ZNF169: variants seen among roughly 807,000 people sequenced by gnomAD.
ZNF169 encodes zinc finger protein 169.
In ZNF169, 11 loss-of-function variants were observed where a neutral mutation model predicts 12.0. That is an observed-to-expected ratio of 0.92 (90% CI 0.58 to 1.52). ZNF169 has a LOEUF of 1.52. Ranked by LOEUF, ZNF169 falls within the 40% of genes most tolerant of loss-of-function variation. The pLI, the probability that ZNF169 is intolerant of heterozygous loss-of-function variation, is 0.00. For synonymous variants in ZNF169, 302 were observed against 286.5 expected (o/e 1.05, Z -0.55); for missense variants, 722 against 744.0 (o/e 0.97, Z 0.34).
At chr9:94,277,658 A>C (rs1232376669) in intron 1 of ZNF169, among the ~76,000 whole-genome samples, 1 of 152,030 alleles carries the variant, frequency 6.6e-6, no homozygotes, top group Non-Finnish European at 1.5e-5. Context: ...AGGGCCGGGC[A>C]CGGTGGCTCA....
chr9:94,297,846 G>A (rs896206202), intron 4 of ZNF169, among the ~76,000 whole-genome samples: 7 of 152,142 alleles, frequency 4.6e-5, no homozygotes, highest in Non-Finnish European at 1.0e-4. Flanking sequence ...TACTTGCCAG[G>A]TACATTTCTG....
At chr9:94,285,748 G>A (rs549901687) in intron 2 of ZNF169, among the ~76,000 whole-genome samples, 12 of 152,214 alleles carry the variant, frequency 7.9e-5, no homozygotes, top group East Asian at 5.8e-4. Flanking sequence ...GGTAGCTCAC[G>A]CCTGTAATCC....
In ZNF169 at chr9:94,301,472, G is replaced by A. The variant is rs1292698451; in HGVS notation, c.*102G>A. The A allele has an allele frequency of 2.8e-6, 4 of 1,444,630 alleles. No individual in the cohort carries two copies. The highest frequency in any genetic ancestry group is 2.9e-5 in the Admixed American group (1 of 34,858). 89.5% of individuals were successfully genotyped at this position (1,444,630 alleles called of 1,614,324 possible). On this transcript the variant is annotated 3_prime_UTR_variant, in exon 5 of 5. Coordinates refer to ENST00000395395, the MANE Select transcript of ZNF169 (RefSeq NM_194320.4). Reference sequence around the variant, plus strand: ...AAAAAAAATGTTGCTTTCTTTCATCGATCATGAGATAGTTGATTTTTGGTT... The same window carrying A: ...AAAAAAAATGTTGCTTTCTTTCATCAATCATGAGATAGTTGATTTTTGGTT...
At chr9:94,264,052 T>G (rs1427555064) in intron 1 of ZNF169, among the ~76,000 whole-genome samples, 2 of 152,212 alleles carry the variant, frequency 1.3e-5, no homozygotes, top group African/African-American at 4.8e-5. Context: ...TACTCCGTCA[T>G]TCTTCAGGCT....
chr9:94,299,721 G>A, intron 4 of ZNF169, 94 bp from the exon 5 acceptor site: 1 of 1,508,992 alleles, frequency 6.6e-7, no homozygotes, highest in Non-Finnish European at 8.8e-7. Flanking sequence ...TGGAAGATAA[G>A]TCTTTGTTGT....
At chr9:94,260,391 A>C (rs1262010865) in intron 1 of ZNF169, among the ~76,000 whole-genome samples, 1 of 151,988 alleles carries the variant, frequency 6.6e-6, no homozygotes. Context: ...TGGCTGGTGC[A>C]CTGTGGTGGT....
chr9:94,281,401 G>C (rs1830628564), intron 2 of ZNF169, among the ~76,000 whole-genome samples: 1 of 152,162 alleles, frequency 6.6e-6, no homozygotes, highest in Admixed American at 6.5e-5. Flanking sequence ...ACATAGAAAG[G>C]GAGCTGGTAA....
At chr9:94,291,317 G>A (rs1830829105) in intron 2 of ZNF169, among the ~76,000 whole-genome samples, 1 of 152,018 alleles carries the variant, frequency 6.6e-6, no homozygotes, top group Admixed American at 6.6e-5. Flanking sequence ...CTCTCAAAGT[G>A]CTGGGATTAC....
At chr9:94,297,596 C>T (rs1830977781) in intron 4 of ZNF169, among the ~76,000 whole-genome samples, 1 of 152,162 alleles carries the variant, frequency 6.6e-6, no homozygotes, top group Admixed American at 6.6e-5. Context: ...TATGATCTTA[C>T]TGACTCTAAT....
In ZNF169 at chr9:94,259,755, A is replaced by C. The variant is rs140692702; in HGVS notation, c.-56+410A>C. Among the ~76,000 whole-genome samples, 726 of 152,172 alleles carry C rather than the reference A, an allele frequency of 4.8e-3. 6 individuals carry two copies. The highest frequency in any genetic ancestry group is 0.016 in the African/African-American group (673 of 41,524). Reference sequence around the variant, plus strand: ...AGTATCCCGCCATCCCCTCCCCACCATCGCGCCTCGGAGGTCTCTGGGCCA... The same window carrying C: ...AGTATCCCGCCATCCCCTCCCCACCCTCGCGCCTCGGAGGTCTCTGGGCCA... On this transcript the variant is annotated intron_variant, in intron 1 of 4. Transcript: ENST00000395395.
At chr9:94,297,294 C>G (rs1428311749) in intron 4 of ZNF169, among the ~76,000 whole-genome samples, 1 of 151,146 alleles carries the variant, frequency 6.6e-6, no homozygotes, top group Admixed American at 6.6e-5. Flanking sequence ...AGACTTCTTT[C>G]ATTTTTGTCG....
At chr9:94,291,824 C>T (rs1035891955) in intron 2 of ZNF169, among the ~76,000 whole-genome samples, 8 of 152,092 alleles carry the variant, frequency 5.3e-5, no homozygotes, top group East Asian at 1.9e-4. Flanking sequence ...AAATCATAGA[C>T]GGTCTAAACA....
chr9:94,291,293 C>A (rs1830828487), intron 2 of ZNF169, among the ~76,000 whole-genome samples: 1 of 151,912 alleles, frequency 6.6e-6, no homozygotes, highest in Non-Finnish European at 1.5e-5. Context: ...ACCTCATGAT[C>A]CACCCGCCTT....
At chr9:94,278,082 C>A (rs1830557469) in intron 1 of ZNF169, among the ~76,000 whole-genome samples, 1 of 152,196 alleles carries the variant, frequency 6.6e-6, no homozygotes, top group African/African-American at 2.4e-5. Context: ...CTATACTTGT[C>A]ATCTGAAGTA....
chr9:94,277,940 AAAG>A (rs1487423171), intron 1 of ZNF169, among the ~76,000 whole-genome samples: 6 of 149,026 alleles, frequency 4.0e-5, no homozygotes, highest in Non-Finnish European at 7.4e-5. Context: ...TCAAAAAAAA[AAAG>A]AAAAAAGAAA....
At chr9:94,282,330 G>A (rs1297085648) in intron 2 of ZNF169, among the ~76,000 whole-genome samples, 1 of 152,180 alleles carries the variant, frequency 6.6e-6, no homozygotes, top group South Asian at 2.1e-4. Context: ...ACATGTGCCC[G>A]AGGCAGTTGG....
intron 1 of ZNF169, among the ~76,000 whole-genome samples, chr9:94,262,455 CTTTTGT>C (rs1179554816): frequency 6.6e-6 from 1 of 151,458 alleles, no homozygotes; most frequent in African/African-American, 2.4e-5. Context: ...TTTTTCTTTT[CTTTTGT>C]TTTTGTTTTT....
At chr9:94,286,734 C>T (rs1830725905) in intron 2 of ZNF169, among the ~76,000 whole-genome samples, 1 of 152,208 alleles carries the variant, frequency 6.6e-6, no homozygotes, top group African/African-American at 2.4e-5. Flanking sequence ...CATACAGACT[C>T]TTCCAAGCTT....
Position 94,299,986 on chromosome 9 carries a change from G to A in ZNF169, c.428G>A (p.Ser143Asn), listed in dbSNP as rs773040644. 1 of 1,614,158 alleles carries A rather than the reference G, an allele frequency of 6.2e-7. No homozygotes were observed. The highest frequency in any genetic ancestry group is 8.5e-7 in the Non-Finnish European group (1 of 1,180,046). The change falls in exon 5 of 5, where the codon AGT becomes AAT. Residue 143 changes from serine to asparagine, a missense_variant. By Grantham distance (46) the Ser-to-Asn change is conservative. Coordinates refer to ENST00000395395, the MANE Select transcript of ZNF169 (RefSeq NM_194320.4). The part of the protein sequence containing the change: ...APRCSSEKGE[S>N]GETEGPDSSL... ...AGATGCTCTAGTGAAAAAGGAGAAAGTGGAGAGACAGAAGGCCCCGACAGC... is the reference window on the plus strand; with the variant it reads ...AGATGCTCTAGTGAAAAAGGAGAAAATGGAGAGACAGAAGGCCCCGACAGC...
Sources: gnomAD v4.1 joint callset for allele counts (sites outside exome capture counted in the v4.1 genomes callset) on GRCh38, gnomAD v4.1.1 for gene constraint, MANE v1.5 for transcripts, NCBI Gene and HGNC (gene_info 2026-07-23, HGNC 2026-07-21) for gene names.